Variants in RBFOX2 observed in about 807,000 individuals in gnomAD.
RBFOX2 encodes RNA binding fox-1 homolog 2, also known as RNA binding protein fox-1 homolog 2.
A neutral mutation model predicts 49.1 loss-of-function variants in RBFOX2; 10 were observed. The ratio of observed to expected loss-of-function variants is 0.20; its 90% confidence interval spans 0.13 to 0.35. The LOEUF is 0.35. Among genes scored for constraint, RBFOX2 ranks in the 10% least tolerant of loss-of-function variants. The probability of loss-of-function intolerance (pLI) is 1.00; values close to 1 mark genes in which losing one functional copy is unlikely to be tolerated. For missense variants in RBFOX2, 323 were observed against 486.9 expected (o/e 0.66, Z 3.17); for synonymous variants, 183 against 187.4 (o/e 0.98, Z 0.19).
chr22:35,853,292 TAAAAAA>T (rs11289647), intron 1 of RBFOX2, among the ~76,000 whole-genome samples: 2 of 129,820 alleles, frequency 1.5e-5, no homozygotes, highest in African/African-American at 5.5e-5. Context: ...AGCCTCTGTC[TAAAAAA>T]AAAAAAAAAA....
In RBFOX2 at chr22:35,850,341, G is replaced by A. The variant is rs574019079; in HGVS notation, c.-33-40337C>T. 2.0e-5 allele frequency among the ~76,000 whole-genome samples: 3 copies of A among 152,176 alleles called. No individual in the cohort carries two copies. In the East Asian group the frequency reaches 5.8e-4, roughly 29 times the overall value. ...AAAGTCACACTGATACACGCAGTAA[G>A]GGGATCCCTTTCATGACACTGTATG... On this transcript the variant is annotated intron_variant, in intron 1 of 13. Transcript: ENST00000359369.
intron 2 of RBFOX2, among the ~76,000 whole-genome samples, chr22:35,783,845 T>C (rs1220311649): frequency 6.6e-6 from 1 of 152,174 alleles, no homozygotes; most frequent in African/African-American, 2.4e-5. Flanking sequence ...CCCGCTTGAA[T>C]GGGCCCATGC....
chr22:35,773,685 T>C (rs1943232252), intron 4 of RBFOX2, among the ~76,000 whole-genome samples: 1 of 152,092 alleles, frequency 6.6e-6, no homozygotes, highest in Admixed American at 6.5e-5. Context: ...TTCAGCATAT[T>C]CAATATTTTA....
chr22:35,808,378 A>G (rs1015320481), intron 2 of RBFOX2, among the ~76,000 whole-genome samples: 3 of 152,224 alleles, frequency 2.0e-5, no homozygotes, highest in Non-Finnish European at 2.9e-5. Context: ...TTGGTGGTTC[A>G]ATACTTGATG....
chr22:35,814,661 T>C (rs1192687504), intron 1 of RBFOX2, among the ~76,000 whole-genome samples: 3 of 132,844 alleles, frequency 2.3e-5, no homozygotes, highest in African/African-American at 9.0e-5. Context: ...TGGCGAGCTA[T>C]GATTATGGCA....
intron 1 of RBFOX2, among the ~76,000 whole-genome samples, chr22:35,983,004 A>G (rs1241439816): frequency 6.6e-6 from 1 of 152,174 alleles, no homozygotes; most frequent in East Asian, 1.9e-4. Flanking sequence ...CCTACAAGGC[A>G]GCAAAGCAAA....
At chr22:35,968,667 C>T (rs2056702930) in intron 1 of RBFOX2, among the ~76,000 whole-genome samples, 1 of 152,182 alleles carries the variant, frequency 6.6e-6, no homozygotes, top group Non-Finnish European at 1.5e-5. Context: ...CATAATTTCC[C>T]ATGGCATTCA....
intron 1 of RBFOX2, among the ~76,000 whole-genome samples, chr22:35,928,243 T>G (rs1216567245): frequency 6.6e-6 from 1 of 152,148 alleles, no homozygotes; most frequent in Non-Finnish European, 1.5e-5. Flanking sequence ...TGTGTGTCTG[T>G]GTCTGTTGGG....
At chr22:35,744,091 G>A (rs1323442823) in exon 12 of RBFOX2, 1 of 892,394 alleles carries the variant, frequency 1.1e-6, no homozygotes, top group African/African-American at 1.7e-5. Context: ...TTTTTTGTTT[G>A]TTTGTTTGTT....
At chr22:35,797,675 G>A (rs1038584862) in intron 2 of RBFOX2, among the ~76,000 whole-genome samples, 2 of 152,152 alleles carry the variant, frequency 1.3e-5, no homozygotes, top group Admixed American at 1.3e-4. Context: ...TGTACTGACC[G>A]TCAAAGCAAA....
At chr22:35,976,598 T>C (rs1447188948) in intron 1 of RBFOX2, among the ~76,000 whole-genome samples, 1 of 152,070 alleles carries the variant, frequency 6.6e-6, no homozygotes, top group East Asian at 1.9e-4. Flanking sequence ...TGAATGAAAA[T>C]ATTTACAAAT....
At chr22:35,968,123 A>G (rs988055076) in intron 1 of RBFOX2, among the ~76,000 whole-genome samples, 4 of 152,210 alleles carry the variant, frequency 2.6e-5, no homozygotes, top group African/African-American at 9.6e-5. Context: ...CCAAAAAAAA[A>G]GCCAAAAGCC....
chr22:35,898,292 T>C (rs1315011765), intron 1 of RBFOX2: 1 of 747,184 alleles, frequency 1.3e-6, no homozygotes, highest in South Asian at 1.4e-5. Flanking sequence ...TATGAGGGCA[T>C]GATGAAGCTG....
intron 1 of RBFOX2, among the ~76,000 whole-genome samples, chr22:35,885,733 T>C (rs1275437831): frequency 1.3e-5 from 2 of 151,682 alleles, no homozygotes; most frequent in African/African-American, 4.8e-5. Context: ...TTATTTAACC[T>C]CTGAATAGAT....
At chr22:35,800,782 A>C (rs918971395) in intron 2 of RBFOX2, among the ~76,000 whole-genome samples, 4 of 152,208 alleles carry the variant, frequency 2.6e-5, no homozygotes, top group Admixed American at 6.5e-5. Flanking sequence ...CAAAGATGAA[A>C]AATGACTTTT....
chr22:35,801,781 C>T (rs573481941), intron 2 of RBFOX2, among the ~76,000 whole-genome samples: 25 of 152,138 alleles, frequency 1.6e-4, no homozygotes, highest in East Asian at 3.9e-4. Flanking sequence ...GCTGAGATCA[C>T]GCCACTGCAC....
chr22:35,875,129 G>A (rs1024456821), intron 1 of RBFOX2, among the ~76,000 whole-genome samples: 6 of 152,124 alleles, frequency 3.9e-5, no homozygotes, highest in Non-Finnish European at 7.4e-5. Context: ...CCTTGGTCTT[G>A]GACTTCCAAG....
At chr22:35,807,522 G>T (rs1950987831) in intron 2 of RBFOX2, among the ~76,000 whole-genome samples, 1 of 151,118 alleles carries the variant, frequency 6.6e-6, no homozygotes, top group Non-Finnish European at 1.5e-5. Context: ...AGAAACCACA[G>T]GAAAAATTTT....
chr22:35,754,006 C>T (rs2146069291), intron 9 of RBFOX2, among the ~76,000 whole-genome samples: 1 of 151,168 alleles, frequency 6.6e-6, no homozygotes, highest in African/African-American at 2.4e-5. Context: ...TGGTCTCGTA[C>T]TCCTGACTTC....
Sources: allele counts gnomAD v4.1 joint callset (sites outside exome capture counted in the v4.1 genomes callset), GRCh38; gene constraint gnomAD v4.1.1; transcripts MANE v1.5; gene names NCBI Gene and HGNC (gene_info 2026-07-23, HGNC 2026-07-21).